Variants in RPS8 observed in about 807,000 individuals in gnomAD.
RPS8 encodes small ribosomal subunit protein eS8.
For synonymous variants in RPS8, 100 were observed against 100.7 expected (o/e 0.99, Z 0.04); for missense variants, 141 against 269.7 (o/e 0.52, Z 3.34).
chr1:44,778,056 A>G lies in RPS8; in HGVS notation c.444A>G (p.Lys148=), dbSNP rs1242008066. The change falls in exon 5 of 6, where the codon AAA becomes AAG. Residue 148 remains lysine, a synonymous_variant. Transcript: ENST00000396651. ...NKKRSKKIQK[K]YDERKKNAKI... Reference sequence around the variant, plus strand: ...AACGATCTAAAAAAATTCAGAAGAAATATGATGAAAGGAAAAAGAATGCCA... The same window carrying G: ...AACGATCTAAAAAAATTCAGAAGAAGTATGATGAAAGGAAAAAGAATGCCA... 6.2e-7 allele frequency: 1 copy of G among 1,612,832 alleles called. No homozygotes were observed. The highest frequency in any genetic ancestry group is 8.5e-7 in the Non-Finnish European group (1 of 1,179,208).
At chr1:44,777,540 T>G in intron 3 of RPS8, 74 bp from the exon 4 acceptor site, 1 of 1,238,946 alleles carries the variant, frequency 8.1e-7, no homozygotes. Context: ...CTCATGGGGC[T>G]GAAGAACCTG....
intron 1 of RPS8, 111 bp downstream of exon 1, chr1:44,775,711 C>G: frequency 7.1e-7 from 1 of 1,413,166 alleles, no homozygotes; most frequent in Middle Eastern, 1.9e-4. Flanking sequence ...CGGCCAGGGA[C>G]AGCCACGAGG....
chr1:44,777,381 T>C, intron 3 of RPS8: 1 of 533,158 alleles, frequency 1.9e-6, no homozygotes. Context: ...TGCTCTGATC[T>C]TTCTGAACTC....
chr1:44,777,896 C>G, intron 4 of RPS8, 104 bp from the exon 5 acceptor site: 3 of 1,577,288 alleles, frequency 1.9e-6, no homozygotes, highest in Non-Finnish European at 2.6e-6. Flanking sequence ...GAGATGAGAG[C>G]CTTTTAGGCT....
intron 3 of RPS8, 137 bp from the exon 4 acceptor site, chr1:44,777,477 C>A: frequency 2.8e-6 from 2 of 710,520 alleles, no homozygotes; most frequent in Non-Finnish European, 4.8e-6. Context: ...GGAAGACGAA[C>A]TGATGCCCCA....
chr1:44,775,846 G>C, intron 1 of RPS8, 188 bp from the exon 2 acceptor site: 2 of 799,626 alleles, frequency 2.5e-6, no homozygotes, highest in Non-Finnish European at 4.4e-6. Context: ...GCGAGGAGGA[G>C]GCCCCGGCCT....
At chr1:44,778,150 G>A in intron 5 of RPS8, 21 bp downstream of exon 5, 1 of 1,587,832 alleles carries the variant, frequency 6.3e-7, no homozygotes, top group Non-Finnish European at 8.6e-7. Context: ...TGTTGTGTTG[G>A]AGGTGGGGAG....
At chr1:44,778,186 A>G (rs150427317) in intron 5 of RPS8, 57 bp downstream of exon 5, 8 of 1,586,620 alleles carry the variant, frequency 5.0e-6, no homozygotes, top group Middle Eastern at 3.4e-4. Flanking sequence ...GTGCCGAGGC[A>G]CTTTTCCCTT....
At chr1:44,777,429 T>G in intron 3 of RPS8, 185 bp from the exon 4 acceptor site, 1 of 602,252 alleles carries the variant, frequency 1.7e-6, no homozygotes, top group Non-Finnish European at 3.0e-6. Context: ...AGACTGCGGG[T>G]TGCCAAACAT....
chr1:44,778,239 C>A, intron 5 of RPS8, 110 bp downstream of exon 5: 2 of 1,347,572 alleles, frequency 1.5e-6, no homozygotes, highest in Non-Finnish European at 2.1e-6. Flanking sequence ...CTAAAGGGTT[C>A]ACTGATAACA....
chr1:44,776,155 G>A lies in RPS8; in HGVS notation c.111+15G>A, dbSNP rs1650842826. The A allele has an allele frequency of 6.4e-7, 1 of 1,564,910 alleles. No homozygotes were observed. Among genetic ancestry groups the A allele is most frequent in the Non-Finnish European group, 8.7e-7 (1 of 1,155,974 alleles). On this transcript the variant is annotated intron_variant, in intron 2 of 5. Transcript: ENST00000396651. ...CCAACACCAAGGTGGGTGCGAGCGT[G>A]GGCCTGTCCGCCTGGGAGGTCGCCT...
At chr1:44,776,356 G>C (rs1483639839) in intron 2 of RPS8, 1 of 679,568 alleles carries the variant, frequency 1.5e-6, no homozygotes, top group Non-Finnish European at 2.6e-6. Context: ...TAGGATTTCA[G>C]AGAGAAGGAT....
chr1:44,776,109 A>G lies in RPS8; in HGVS notation c.80A>G (p.Tyr27Cys), dbSNP rs772837110. Residue 27 changes from tyrosine to cysteine, a missense_variant, in exon 2 of 6, where the codon TAT (tyrosine) becomes TGT (cysteine). Transcript: ENST00000396651. ...AAGCCCTACCACAAGAAGCGGAAGT[A>G]TGAGTTGGGGCGCCCAGCTGCCAAC... ...KRKPYHKKRK[Y>C]ELGRPAANTK... The G allele has an allele frequency of 3.7e-6, 6 of 1,608,148 alleles. No individual in the cohort carries two copies. The South Asian group carries it at 5.5e-5, about 15-fold the overall frequency.
intron 4 of RPS8, 67 bp from the exon 5 acceptor site, chr1:44,777,933 G>C: frequency 6.2e-7 from 1 of 1,603,258 alleles, no homozygotes; most frequent in South Asian, 1.1e-5. Flanking sequence ...GGGGTGTGCA[G>C]GGTTCGAGAA....
chr1:44,777,938 C>T (rs771592743), intron 4 of RPS8, 62 bp from the exon 5 acceptor site: 11 of 1,608,376 alleles, frequency 6.8e-6, no homozygotes, highest in East Asian at 6.7e-5. Context: ...GTGCAGGGTT[C>T]GAGAAAGCTC....
At chr1:44,776,607 C>G (rs1650864067) in intron 2 of RPS8, 68 bp from the exon 3 acceptor site, 1 of 1,335,382 alleles carries the variant, frequency 7.5e-7, no homozygotes, top group Non-Finnish European at 1.1e-6. Context: ...CCTCCCGGCC[C>G]AGGTTCCTCT....
chr1:44,778,203 G>A (rs552300925), intron 5 of RPS8, 74 bp downstream of exon 5: 3 of 1,567,310 alleles, frequency 1.9e-6, no homozygotes, highest in South Asian at 2.3e-5. Context: ...CCTTGTCTCA[G>A]TTCCTTTGAC....
intron 3 of RPS8, 163 bp from the exon 4 acceptor site, chr1:44,777,451 T>G (rs1650897737): frequency 4.8e-6 from 3 of 623,160 alleles, no homozygotes; most frequent in African/African-American, 3.7e-5. Context: ...ACTAGAAACG[T>G]GGGTTAGGGG....
At chr1:44,777,517 T>G (rs1228382372) in intron 3 of RPS8, 97 bp from the exon 4 acceptor site, 4 of 953,756 alleles carry the variant, frequency 4.2e-6, no homozygotes, top group Non-Finnish European at 6.5e-6. Context: ...GTTCCCTTAT[T>G]TCTCCTTAAG....
Sources: gnomAD v4.1 joint callset for allele counts on GRCh38, gnomAD v4.1.1 for gene constraint, MANE v1.5 for transcripts, NCBI Gene and HGNC (gene_info 2026-07-23, HGNC 2026-07-21) for gene names.